MAGI2: variants seen among roughly 807,000 people sequenced by gnomAD.
MAGI2 encodes the protein membrane associated guanylate kinase, WW and PDZ domain containing 2, also known as membrane-associated guanylate kinase, WW and PDZ domain-containing protein 2.
A neutral mutation model predicts 133.3 loss-of-function variants in MAGI2; 35 were observed. The observed-to-expected ratio is 0.26, with a 90% CI of 0.20 to 0.35. The LOEUF (loss-of-function observed/expected upper bound fraction) is 0.35. MAGI2 is among the 10% of genes least tolerant of loss of function. The pLI, the probability that MAGI2 is intolerant of heterozygous loss-of-function variation, is 1.00. For missense variants in MAGI2, 1,636 were observed against 1,863.4 expected (o/e 0.88, Z 2.25); for synonymous variants, 729 against 710.6 (o/e 1.03, Z -0.41).
Position 79,257,512 on chromosome 7 carries a change from TTTATC to T in MAGI2, c.301+195503_301+195507del, listed in dbSNP as rs1833775463. 1.3e-5 allele frequency among the ~76,000 whole-genome samples: 2 copies of T among 152,230 alleles called. 1 individual carries two copies. Among genetic ancestry groups the T allele is most frequent in the South Asian group, 4.1e-4 (2 of 4,834 alleles). On this transcript the variant is annotated intron_variant, in intron 1 of 21. Coordinates refer to ENST00000354212, the MANE Select transcript of MAGI2 (RefSeq NM_012301.4). ...AAATACCCTAAACTCACTGGCTTAA[TTTATC>T]AGCTTGAATGGCTCTTTGTCAACCT...
intron 1 of MAGI2, among the ~76,000 whole-genome samples, chr7:79,401,861 TG>T (rs1845492677): frequency 6.6e-6 from 1 of 152,104 alleles, no homozygotes; most frequent in South Asian, 2.1e-4. Flanking sequence ...GAATAAAAAA[TG>T]GCTTTTCTAA....
chr7:78,595,182 C>A (rs950203727), intron 3 of MAGI2, among the ~76,000 whole-genome samples: 6 of 152,122 alleles, frequency 3.9e-5, no homozygotes, highest in African/African-American at 1.4e-4. Context: ...TGCTATTTCA[C>A]TTGCTAGAGA....
At chr7:78,596,180 AAGGG>A (rs144101783) in intron 3 of MAGI2, among the ~76,000 whole-genome samples, 16 of 31,684 alleles carry the variant, frequency 5.0e-4, no homozygotes, top group Admixed American at 9.7e-4. Context: ...GAAATGAAGG[AAGGG>A]AGGGAGGGAG....
In MAGI2 at chr7:78,019,010, T is replaced by G; in HGVS notation, c.*305A>C. 2.5e-6 allele frequency: 1 copy of G among 401,434 alleles called. No homozygotes were observed. Among genetic ancestry groups the G allele is most frequent in the Non-Finnish European group, 4.4e-6 (1 of 227,668 alleles). 24.9% of individuals were successfully genotyped at this position (401,434 alleles called of 1,614,324 possible). The stretch of plus-strand genomic sequence containing the variant: ...CTTCATGCAGTGGGGAGGAATATTT[T>G]TTTTTCTTAAACTAAAGCTACACTG... On this transcript the variant is annotated 3_prime_UTR_variant, in exon 22 of 22. Transcript: ENST00000354212.
intron 6 of MAGI2, among the ~76,000 whole-genome samples, chr7:78,391,506 A>C (rs1795897942): frequency 6.6e-6 from 1 of 152,230 alleles, no homozygotes; most frequent in Admixed American, 6.5e-5. Context: ...TGACAGCATC[A>C]GAAAGAAACT....
chr7:78,792,602 T>C (rs937702159), intron 2 of MAGI2, among the ~76,000 whole-genome samples: 1 of 152,232 alleles, frequency 6.6e-6, no homozygotes, highest in Non-Finnish European at 1.5e-5. Context: ...TAAGTACAGA[T>C]TGAGAGTTCC....
intron 2 of MAGI2, among the ~76,000 whole-genome samples, chr7:78,983,349 T>G (rs1485418247): frequency 1.3e-5 from 2 of 152,004 alleles, no homozygotes; most frequent in Non-Finnish European, 2.9e-5. Flanking sequence ...ATAAAACTAC[T>G]GTTCTAAATA....
At chr7:78,635,409 C>T (rs1057282889) in intron 2 of MAGI2, among the ~76,000 whole-genome samples, 2 of 152,198 alleles carry the variant, frequency 1.3e-5, no homozygotes, top group African/African-American at 4.8e-5. Flanking sequence ...ACCAGCTTGA[C>T]AGTATTATTA....
intron 6 of MAGI2, among the ~76,000 whole-genome samples, chr7:78,475,093 G>A (rs1006998165): frequency 2.0e-5 from 3 of 151,926 alleles, no homozygotes; most frequent in Admixed American, 6.6e-5. Context: ...CCAAGTTGGC[G>A]TTTGGACCTT....
chr7:79,339,338 T>C (rs1840712483), intron 1 of MAGI2, among the ~76,000 whole-genome samples: 1 of 152,156 alleles, frequency 6.6e-6, no homozygotes, highest in Admixed American at 6.6e-5. Flanking sequence ...TACAATTCTA[T>C]TACTTAATGT....
chr7:78,536,103 CTTTTTTTT>C (rs544655465), intron 3 of MAGI2, among the ~76,000 whole-genome samples: 40 of 59,936 alleles, frequency 6.7e-4, no homozygotes, highest in South Asian at 1.7e-3. Flanking sequence ...ATGAATTAAA[CTTTTTTTT>C]TTTTTTTTTT....
At position 79,378,914 on chromosome 7, in the gene MAGI2, A is replaced by ATG. The variant is rs1252457871; in HGVS notation, c.301+74105_301+74106insCA. Among the ~76,000 whole-genome samples, 209 of 84,152 alleles carry ATG rather than the reference A, an allele frequency of 2.5e-3. 4 individuals are homozygous for ATG. The highest frequency in any genetic ancestry group is 8.6e-3 in the African/African-American group (200 of 23,152). 55.2% of individuals were successfully genotyped at this position (84,152 alleles called of 152,430 possible). A position where few individuals can be genotyped will look rare whatever the true frequency, so the allele number is the denominator to read the frequency against. On this transcript the variant is annotated intron_variant, in intron 1 of 21. Coordinates refer to ENST00000354212, the MANE Select transcript of MAGI2 (RefSeq NM_012301.4). ...TTTCCAAGTCTTCTTTTATATATAT[A>ATG]TATGTGTGTGTGTATATATATATAT...
intron 2 of MAGI2, among the ~76,000 whole-genome samples, chr7:78,657,290 T>C (rs934687289): frequency 6.6e-6 from 1 of 152,186 alleles, no homozygotes; most frequent in African/African-American, 2.4e-5. Context: ...CTAAACGTAC[T>C]CTTAGCATGT....
At chr7:78,892,651 G>A (rs890396451) in intron 2 of MAGI2, among the ~76,000 whole-genome samples, 1 of 152,156 alleles carries the variant, frequency 6.6e-6, no homozygotes, top group Non-Finnish European at 1.5e-5. Flanking sequence ...TTTAATAAAT[G>A]GTGCTGGGAA....
intron 2 of MAGI2, among the ~76,000 whole-genome samples, chr7:78,667,484 C>T (rs1362143398): frequency 6.6e-6 from 1 of 151,402 alleles, no homozygotes; most frequent in Non-Finnish European, 1.5e-5. Flanking sequence ...TGGTGTGCTG[C>T]ACCCATTAAC....
intron 7 of MAGI2, among the ~76,000 whole-genome samples, chr7:78,360,460 G>C (rs1247897319): frequency 6.6e-6 from 1 of 152,194 alleles, no homozygotes; most frequent in African/African-American, 2.4e-5. Flanking sequence ...TGATTCCAAA[G>C]TATGTAATGA....
intron 1 of MAGI2, among the ~76,000 whole-genome samples, chr7:79,349,428 G>A (rs989343928): frequency 2.0e-5 from 3 of 151,774 alleles, no homozygotes; most frequent in African/African-American, 7.3e-5. Flanking sequence ...AAAAAGAAGG[G>A]ATTAAATAAG....
rs1820347646 is a variant in MAGI2 at position 79,125,650 on chromosome 7, A to G, written c.302-118444T>C. The G allele has an allele frequency of 5.7e-6, 3 of 528,222 alleles. No homozygotes were observed. The Admixed American group carries it at 5.9e-5, about 10-fold the overall frequency. 32.7% of individuals were successfully genotyped at this position (528,222 alleles called of 1,614,324 possible). A position where few individuals can be genotyped will look rare whatever the true frequency, so the allele number is the denominator to read the frequency against. On this transcript the variant is annotated intron_variant, in intron 1 of 21. Transcript: ENST00000354212. ...TAGTGGAACTATGATAATTTTGGAA[A>G]TTACAACAATCAATCTTTAAATTTT...
At chr7:78,914,293 C>G (rs1373658084) in intron 2 of MAGI2, among the ~76,000 whole-genome samples, 2 of 152,066 alleles carry the variant, frequency 1.3e-5, no homozygotes, top group Non-Finnish European at 2.9e-5. Context: ...AAAAATGGCT[C>G]TTCCTGTGTG....
Sources: gnomAD v4.1 joint callset for allele counts (sites outside exome capture counted in the v4.1 genomes callset) on GRCh38, gnomAD v4.1.1 for gene constraint, MANE v1.5 for transcripts, NCBI Gene and HGNC (gene_info 2026-07-23, HGNC 2026-07-21) for gene names.